Variants in PEPD observed in about 807,000 individuals in gnomAD.
The protein encoded by PEPD is peptidase D, also known as xaa-Pro dipeptidase.
Under a neutral mutation model 60.7 loss-of-function variants are expected in PEPD, and 53 were observed. The ratio of observed to expected loss-of-function variants is 0.87; its 90% CI spans 0.70 to 1.10. The LOEUF (loss-of-function observed/expected upper bound fraction) is 1.10, where lower values mean the gene tolerates loss of function less well. Among genes scored for constraint, PEPD ranks in the 50% least tolerant of loss-of-function variants. The probability of loss-of-function intolerance (pLI) is 0.00; values close to 1 mark genes in which losing one functional copy is unlikely to be tolerated. For synonymous variants in PEPD, 267 were observed against 284.1 expected (o/e 0.94, Z 0.60); for missense variants, 711 against 711.9 (o/e 1.00, Z 0.01).
At chr19:33,428,718 C>CG (rs1969206157) in intron 9 of PEPD, among the ~76,000 whole-genome samples, 1 of 152,218 alleles carries the variant, frequency 6.6e-6, no homozygotes. Flanking sequence ...GGCACCCTCC[C>CG]GTTCCCTCCC....
At chr19:33,426,905 G>A (rs60199045) in intron 9 of PEPD, among the ~76,000 whole-genome samples, 23,188 of 152,222 alleles carry the variant, frequency 0.15, 1,953 homozygotes, top group East Asian at 0.29. Flanking sequence ...ATGGAGGGAG[G>A]CCCAGACACC....
At chr19:33,455,772 C>T (rs1232229603) in intron 9 of PEPD, among the ~76,000 whole-genome samples, 1 of 151,618 alleles carries the variant, frequency 6.6e-6, no homozygotes. Flanking sequence ...CCTTGGACTC[C>T]CAAAGTGCTG....
chr19:33,436,407 G>T (rs1264907772), intron 9 of PEPD, among the ~76,000 whole-genome samples: 1 of 152,156 alleles, frequency 6.6e-6, no homozygotes, highest in African/African-American at 2.4e-5. Flanking sequence ...CGAGTACAGG[G>T]GTGCTTCTGC....
Position 33,521,762 on chromosome 19 carries a change from T to G in PEPD, c.-2A>C. ...CACTCACCCGGTGGCCGCCGCCATG[T>G]TCGCCCGGCACCGGCGTCACGTGAA... is the stretch of plus-strand genomic sequence containing the variant. On this transcript the variant is annotated 5_prime_UTR_variant, in exon 1 of 15. Transcript: ENST00000244137. The G allele has an allele frequency of 6.3e-7, 1 of 1,577,964 alleles. No homozygotes were observed. The highest frequency in any genetic ancestry group is 8.6e-7 in the Non-Finnish European group (1 of 1,167,182).
At chr19:33,389,844 GGCTCTAGGGGCCTGCCCGGGGGACCT>G (rs1407163676) in intron 13 of PEPD, among the ~76,000 whole-genome samples, 4 of 152,276 alleles carry the variant, frequency 2.6e-5, no homozygotes, top group African/African-American at 9.6e-5. Context: ...TCAGGGTGTT[GGCTCTAGGGGCCTGCCCGGGGGACCT>G]GCTGAGAACA....
In PEPD at chr19:33,479,612, C is replaced by G. The variant is rs530812290; in HGVS notation, c.504-1522G>C. Among the ~76,000 whole-genome samples the G allele has an allele frequency of 2.0e-5, 3 of 152,270 alleles. No homozygotes were observed. The South Asian group carries it at 6.2e-4, about 31-fold the overall frequency. ...ATAGGCCCCAGTGTGTGTTGTCGCC[C>G]TCTATGTGTCCATGTGTTCTCATCA... On this transcript the variant is annotated intron_variant, in intron 6 of 14. Coordinates refer to ENST00000244137, the MANE Select transcript of PEPD (RefSeq NM_000285.4).
At chr19:33,494,085 T>C (rs1970550748) in intron 4 of PEPD, among the ~76,000 whole-genome samples, 1 of 152,076 alleles carries the variant, frequency 6.6e-6, no homozygotes, top group Non-Finnish European at 1.5e-5. Flanking sequence ...ACAGTCACCA[T>C]TCCCCCAGCA....
At chr19:33,507,960 C>T (rs888685875) in intron 3 of PEPD, among the ~76,000 whole-genome samples, 3 of 152,058 alleles carry the variant, frequency 2.0e-5, no homozygotes, top group African/African-American at 7.2e-5. Flanking sequence ...GGGCCAGATG[C>T]CCCCTCGGGA....
At chr19:33,485,525 T>C (rs1002422306) in intron 6 of PEPD, among the ~76,000 whole-genome samples, 1 of 147,670 alleles carries the variant, frequency 6.8e-6, no homozygotes, top group African/African-American at 2.6e-5. Context: ...CAATCCTAAA[T>C]ATTAACTTGA....
chr19:33,433,354 AAC>A (rs1969311841), intron 9 of PEPD, among the ~76,000 whole-genome samples: 1 of 152,234 alleles, frequency 6.6e-6, no homozygotes, highest in African/African-American at 2.4e-5. Context: ...CCACTCCACA[AAC>A]ACACAAGGTA....
At chr19:33,421,843 C>T (rs1006387075) in intron 9 of PEPD, among the ~76,000 whole-genome samples, 3 of 152,132 alleles carry the variant, frequency 2.0e-5, no homozygotes, top group Admixed American at 2.0e-4. Context: ...GACCACTTCT[C>T]CGCACCACCA....
At chr19:33,407,153 A>AC (rs923807859) in intron 11 of PEPD, among the ~76,000 whole-genome samples, 4 of 152,066 alleles carry the variant, frequency 2.6e-5, no homozygotes, top group African/African-American at 7.2e-5. Flanking sequence ...CCCCCCTCCA[A>AC]CCCCCACCAC....
At chr19:33,502,950 G>GGT (rs1970737984) in intron 3 of PEPD, among the ~76,000 whole-genome samples, 4 of 135,560 alleles carry the variant, frequency 3.0e-5, no homozygotes, top group South Asian at 2.5e-4. Context: ...ATAACTGGGG[G>GGT]GCGGGGGGGG....
chr19:33,489,903 G>A (rs766448584), intron 6 of PEPD, 93 bp downstream of exon 6: 140 of 786,282 alleles, frequency 1.8e-4, no homozygotes, highest in Non-Finnish European at 3.1e-4. Context: ...AGTTTGCATA[G>A]TTCATGTCTT....
At chr19:33,486,528 C>T (rs1970399849) in intron 6 of PEPD, among the ~76,000 whole-genome samples, 1 of 152,100 alleles carries the variant, frequency 6.6e-6, no homozygotes, top group African/African-American at 2.4e-5. Context: ...CACAGGGTCT[C>T]TCTGGCCGTG....
intron 12 of PEPD, among the ~76,000 whole-genome samples, chr19:33,396,755 G>A (rs1277189543): frequency 1.3e-5 from 2 of 152,078 alleles, no homozygotes; most frequent in Non-Finnish European, 2.9e-5. Flanking sequence ...GGGAGGCGAG[G>A]CTACAGGAGG....
intron 4 of PEPD, among the ~76,000 whole-genome samples, chr19:33,498,073 C>T (rs1039557640): frequency 2.6e-5 from 4 of 151,882 alleles, no homozygotes; most frequent in East Asian, 1.9e-4. Context: ...CCTCCCGCAG[C>T]GGGAGGGCCA....
chr19:33,444,161 C>A (rs1399476646), intron 9 of PEPD, among the ~76,000 whole-genome samples: 1 of 152,022 alleles, frequency 6.6e-6, no homozygotes, highest in Non-Finnish European at 1.5e-5. Context: ...CACACACACA[C>A]GCTGTATGTC....
chr19:33,392,876 C>A (rs758955295), intron 12 of PEPD, among the ~76,000 whole-genome samples: 1 of 151,864 alleles, frequency 6.6e-6, no homozygotes, highest in Non-Finnish European at 1.5e-5. Flanking sequence ...CCATCACCCC[C>A]GACACACTGG....
Sources: allele counts gnomAD v4.1 joint callset (sites outside exome capture counted in the v4.1 genomes callset), GRCh38; gene constraint gnomAD v4.1.1; transcripts MANE v1.5; gene names NCBI Gene and HGNC (gene_info 2026-07-23, HGNC 2026-07-21).